The following TEX2 variants were observed in gnomAD, a reference collection of about 807,000 sequenced individuals.
TEX2 encodes testis expressed 2, also known as testis-expressed protein 2.
Under a neutral mutation model 106.9 loss-of-function variants are expected in TEX2, and 53 were observed. The ratio of observed to expected loss-of-function variants is 0.50; its 90% CI spans 0.40 to 0.62. TEX2 has a LOEUF of 0.62. TEX2 is among the 20% of genes least tolerant of loss of function. The pLI is 0.00. For synonymous variants in TEX2, 523 were observed against 534.8 expected (o/e 0.98, Z 0.30); for missense variants, 1,207 against 1,379.0 (o/e 0.88, Z 1.98).
intron 1 of TEX2, among the ~76,000 whole-genome samples, chr17:64,230,156 CAT>C (rs782247097): frequency 8.5e-5 from 13 of 152,112 alleles, no homozygotes; most frequent in South Asian, 4.2e-4. Context: ...TGTGTGCACA[CAT>C]GTGTGTGTAG....
At chr17:64,228,364 A>G (rs1267864477) in intron 1 of TEX2, among the ~76,000 whole-genome samples, 1 of 152,174 alleles carries the variant, frequency 6.6e-6, no homozygotes, top group African/African-American at 2.4e-5. Context: ...TACATTGTAT[A>G]TAATGACACA....
intron 11 of TEX2, chr17:64,150,238 T>C (rs2143579881): frequency 6.6e-6 from 1 of 152,352 alleles, no homozygotes; most frequent in South Asian, 2.1e-4. Context: ...AAATAGCTCA[T>C]CCTAGGGCCT....
At chr17:64,183,597 T>C (rs1487712386) in intron 5 of TEX2, among the ~76,000 whole-genome samples, 1 of 152,140 alleles carries the variant, frequency 6.6e-6, no homozygotes, top group Non-Finnish European at 1.5e-5. Context: ...TGGCTAATTT[T>C]TTGTATTTTT....
chr17:64,166,153 C>T (rs1232560137), intron 7 of TEX2, among the ~76,000 whole-genome samples: 2 of 152,198 alleles, frequency 1.3e-5, no homozygotes, highest in Admixed American at 6.5e-5. Flanking sequence ...GGCCCCCACC[C>T]AGCCTCTTCA....
At chr17:64,223,829 C>G (rs1314460061) in intron 1 of TEX2, among the ~76,000 whole-genome samples, 1 of 151,040 alleles carries the variant, frequency 6.6e-6, no homozygotes, top group Non-Finnish European at 1.5e-5. Flanking sequence ...GATTCTCCTG[C>G]TTCAGCCTCC....
At position 64,191,817 on chromosome 17, in the gene TEX2, CAAAAAAAAAA is replaced by C. The variant is rs58376086; in HGVS notation, c.2176+1732_2176+1741del. ...TGGGCAACAAAGCTAGACTCCATCT[CAAAAAAAAAA>C]AAAAAAAAAAAAAAAAGAAAGAAAG... On this transcript the variant is annotated intron_variant, in intron 4 of 11. Coordinates refer to ENST00000584379, the MANE Select transcript of TEX2 (RefSeq NM_001288732.2). 1.6e-3 allele frequency among the ~76,000 whole-genome samples: 191 copies of C among 119,888 alleles called. 3 individuals are homozygous for C. The highest frequency in any genetic ancestry group is 2.0e-3 in the African/African-American group (56 of 27,354). The allele number at this position is 119,888 out of a possible 152,430, so 78.7% of individuals were successfully genotyped here.
At position 64,177,319 on chromosome 17, in the gene TEX2, T is replaced by A; in HGVS notation, c.2571+6A>T. On this transcript the variant is annotated splice_donor_region_variant and intron_variant, in intron 6 of 11. Coordinates refer to ENST00000584379, the MANE Select transcript of TEX2 (RefSeq NM_001288732.2). ...GATTAGAAGCCTCTTGTGTGGAAAG[T>A]GATACCTTTATTTTGCTGAGTTTCA... The A allele has an allele frequency of 6.2e-7, 1 of 1,614,092 alleles. No homozygotes were observed. The highest frequency in any genetic ancestry group is 1.1e-5 in the South Asian group (1 of 91,058).
intron 2 of TEX2, among the ~76,000 whole-genome samples, chr17:64,211,763 A>G (rs774319888): frequency 1.3e-5 from 2 of 152,238 alleles, no homozygotes; most frequent in Admixed American, 6.5e-5. Context: ...GTGTGTGCAT[A>G]TAACTTACAA....
intron 6 of TEX2, among the ~76,000 whole-genome samples, chr17:64,176,036 CTTG>C (rs1218496782): frequency 1.3e-5 from 2 of 152,198 alleles, no homozygotes; most frequent in Non-Finnish European, 2.9e-5. Flanking sequence ...GTTACTGCTA[CTTG>C]TTGTCTCCTG....
chr17:64,192,951 G>T (rs1550793), intron 4 of TEX2, among the ~76,000 whole-genome samples: 84,068 of 151,998 alleles, frequency 0.55, 24,653 homozygotes, highest in East Asian at 0.83. Flanking sequence ...ACTCATTTTA[G>T]CATGGCAATT....
chr17:64,238,518 G>A (rs2033818596), intron 1 of TEX2, among the ~76,000 whole-genome samples: 1 of 152,234 alleles, frequency 6.6e-6, no homozygotes, highest in Non-Finnish European at 1.5e-5. Flanking sequence ...AAGAAAAGAG[G>A]TTTAATTGAC....
At chr17:64,255,492 A>T (rs1389406294) in intron 1 of TEX2, among the ~76,000 whole-genome samples, 1 of 152,234 alleles carries the variant, frequency 6.6e-6, no homozygotes, top group African/African-American at 2.4e-5. Flanking sequence ...GATTAGCAAA[A>T]GTTGATAATT....
chr17:64,249,496 T>C (rs1438390481), intron 1 of TEX2, among the ~76,000 whole-genome samples: 4 of 152,242 alleles, frequency 2.6e-5, no homozygotes, highest in African/African-American at 9.6e-5. Context: ...TCTGGAAGGC[T>C]TCTTTGGAGC....
chr17:64,236,668 TCTC>T (rs1327926339), intron 1 of TEX2, among the ~76,000 whole-genome samples: 1 of 152,170 alleles, frequency 6.6e-6, no homozygotes, highest in East Asian at 1.9e-4. Context: ...CTAGAACTAA[TCTC>T]CTATGGATAC....
Position 64,195,739 on chromosome 17 carries a change from T to TA in TEX2, c.1645-645dup, listed in dbSNP as rs2032446790. On this transcript the variant is annotated intron_variant, in intron 2 of 11. Coordinates refer to ENST00000584379, the MANE Select transcript of TEX2 (RefSeq NM_001288732.2). This position sits in a 1 kb window ranked among gnomAD's most constrained non-coding sequence, Gnocchi z 4.1. ...CCAGGTCCCCCTGCCAAATTGGACA[T>TA]AAATGATTTTGTGTTACATATCTTG... Among the ~76,000 whole-genome samples the TA allele has an allele frequency of 6.6e-6, 1 of 152,218 alleles. No individual in the cohort carries two copies. The highest frequency in any genetic ancestry group is 1.5e-5 in the Non-Finnish European group (1 of 68,036).
intron 1 of TEX2, among the ~76,000 whole-genome samples, chr17:64,256,758 G>A (rs1555637794): frequency 2.0e-5 from 3 of 152,100 alleles, no homozygotes; most frequent in Admixed American, 1.3e-4. Flanking sequence ...GCTTGGCCCT[G>A]GTAGATGCTC....
chr17:64,194,896 T>C lies in TEX2; in HGVS notation c.1844A>G (p.Lys615Arg). 6.2e-7 allele frequency: 1 copy of C among 1,614,132 alleles called. No individual in the cohort carries two copies. Among genetic ancestry groups the C allele is most frequent in the Non-Finnish European group, 8.5e-7 (1 of 1,179,942 alleles). ...SQKIYDLSDS[K>R]IYLVPKTLAR... ...CCTTCCAAAATTGCTCAGGCTCACC[T>C]TGCTGTCTGAGAGGTCATAGATTTT... The change falls in exon 3 of 12, where the codon AAG (lysine) becomes AGG (arginine). Residue 615 changes from lysine (K) to arginine (R), a missense_variant and splice_region_variant. Coordinates refer to ENST00000584379, the MANE Select transcript of TEX2 (RefSeq NM_001288732.2).
intron 1 of TEX2, among the ~76,000 whole-genome samples, chr17:64,216,218 T>C (rs2059826245): frequency 6.6e-6 from 1 of 152,210 alleles, no homozygotes; most frequent in African/African-American, 2.4e-5. Flanking sequence ...TTCCCTGTTA[T>C]CTTAAGCTAA....
chr17:64,206,674 C>A (rs1400251372), intron 2 of TEX2, among the ~76,000 whole-genome samples: 1 of 151,520 alleles, frequency 6.6e-6, no homozygotes, highest in African/African-American at 2.4e-5. Context: ...AGCAATTCGC[C>A]TGCCTCAGCC....
Sources: allele counts gnomAD v4.1 joint callset (sites outside exome capture counted in the v4.1 genomes callset), GRCh38; gene constraint gnomAD v4.1.1; non-coding constraint Gnocchi (gnomAD v3.1); transcripts MANE v1.5; gene names NCBI Gene and HGNC (gene_info 2026-07-23, HGNC 2026-07-21).